Variants in HECTD2 observed in about 807,000 individuals in gnomAD.
HECTD2 encodes probable E3 ubiquitin-protein ligase HECTD2.
A neutral mutation model predicts 103.2 loss-of-function variants in HECTD2; 35 were observed. The observed-to-expected ratio is 0.34, with a 90% CI of 0.26 to 0.45. The LOEUF is 0.45. Among genes scored for constraint, HECTD2 ranks in the 20% least tolerant of loss-of-function variants. The pLI is 1.00. For synonymous variants in HECTD2, 281 were observed against 329.9 expected, an observed-to-expected ratio of 0.85 and a Z score of 1.61; for missense variants, 596 against 937.4, an observed-to-expected ratio of 0.64 and a Z score of 4.76.
chr10:91,422,170 C>G (rs1252943034), intron 1 of HECTD2, among the ~76,000 whole-genome samples: 1 of 152,126 alleles, frequency 6.6e-6, no homozygotes, highest in Non-Finnish European at 1.5e-5. Context: ...AATCTATACT[C>G]TGTAGCCTGA....
At chr10:91,509,084 T>G (rs866261739) in intron 20 of HECTD2, among the ~76,000 whole-genome samples, 2,093 of 129,476 alleles carry the variant, frequency 0.016, 44 homozygotes, top group African/African-American at 0.059. Flanking sequence ...TGAGATCACA[T>G]GGACACAGGA....
At chr10:91,505,358 G>A (rs1358641130) in intron 20 of HECTD2, among the ~76,000 whole-genome samples, 1 of 152,072 alleles carries the variant, frequency 6.6e-6, no homozygotes, top group Admixed American at 6.5e-5. Context: ...ACCCATCAGT[G>A]TGCTGTATTC....
chr10:91,412,750 C>G (rs1842976419), intron 1 of HECTD2, among the ~76,000 whole-genome samples: 1 of 150,746 alleles, frequency 6.6e-6, no homozygotes, highest in Non-Finnish European at 1.5e-5. Context: ...CAGTGAAAAG[C>G]TTAAGTGTAG....
intron 2 of HECTD2, among the ~76,000 whole-genome samples, chr10:91,457,588 A>G (rs1286719245): frequency 6.6e-6 from 1 of 152,078 alleles, no homozygotes; most frequent in African/African-American, 2.4e-5. Flanking sequence ...GACAAAATCC[A>G]ACACCTATTC....
At chr10:91,507,170 A>G (rs1847220540) in intron 20 of HECTD2, among the ~76,000 whole-genome samples, 1 of 151,090 alleles carries the variant, frequency 6.6e-6, no homozygotes. Flanking sequence ...CCAATATCAT[A>G]CTGAATGGGC....
intron 20 of HECTD2, among the ~76,000 whole-genome samples, chr10:91,509,353 A>G (rs1431249443): frequency 1.3e-5 from 2 of 152,310 alleles, no homozygotes; most frequent in East Asian, 1.9e-4. Context: ...ATGCTTATAC[A>G]CTGCTGGTGG....
chr10:91,483,111 T>C, intron 8 of HECTD2, 35 bp downstream of exon 8: 2 of 915,792 alleles, frequency 2.2e-6, no homozygotes, highest in Non-Finnish European at 3.5e-6. Context: ...ACTTTTATAG[T>C]CTCACAGTTT....
At chr10:91,416,483 G>A (rs1294723182) in intron 1 of HECTD2, among the ~76,000 whole-genome samples, 1 of 152,162 alleles carries the variant, frequency 6.6e-6, no homozygotes, top group East Asian at 1.9e-4. Flanking sequence ...ATTCAGCATG[G>A]TAACATGCTC....
chr10:91,426,734 T>G (rs1196958032), intron 2 of HECTD2, among the ~76,000 whole-genome samples: 1 of 151,906 alleles, frequency 6.6e-6, no homozygotes, highest in African/African-American at 2.4e-5. Flanking sequence ...AAGTTTTTGA[T>G]TGGCCATATT....
At chr10:91,425,741 A>G (rs1843533720) in intron 2 of HECTD2, among the ~76,000 whole-genome samples, 1 of 151,438 alleles carries the variant, frequency 6.6e-6, no homozygotes. Flanking sequence ...GCAATAATCA[A>G]TTAGAAGACT....
chr10:91,473,320 AAAAG>A (rs1564724678), intron 5 of HECTD2, among the ~76,000 whole-genome samples: 1 of 152,206 alleles, frequency 6.6e-6, no homozygotes, highest in South Asian at 2.1e-4. Context: ...TCAAAATACT[AAAAG>A]AAAAGAATAT....
At chr10:91,509,615 T>C (rs1270700114) in intron 20 of HECTD2, among the ~76,000 whole-genome samples, 2 of 152,106 alleles carry the variant, frequency 1.3e-5, no homozygotes, top group African/African-American at 4.8e-5. Context: ...AAAAAGATCA[T>C]GTCCTTTGCA....
intron 5 of HECTD2, among the ~76,000 whole-genome samples, chr10:91,466,128 C>T (rs1366020915): frequency 1.3e-5 from 2 of 152,038 alleles, no homozygotes; most frequent in African/African-American, 2.4e-5. Context: ...CAGGCTTATT[C>T]AGATTATCTG....
At chr10:91,412,668 ATGTGTG>A (rs58691011) in intron 1 of HECTD2, among the ~76,000 whole-genome samples, 19 of 147,264 alleles carry the variant, frequency 1.3e-4, no homozygotes, top group South Asian at 2.1e-4. Context: ...CTGTGGCAGA[ATGTGTG>A]TGTGTGTGTG....
Position 91,490,662 on chromosome 10 carries a change from C to T in HECTD2, c.1192-538C>T, listed in dbSNP as rs568979544. On this transcript the variant is annotated intron_variant, in intron 11 of 20. Transcript: ENST00000298068. ...ATCCCAGCACTTTGGGAGGCCGAGGCGGGCGGATCACGAGGTCAGGAGATC... is the reference window on the plus strand; with the variant it reads ...ATCCCAGCACTTTGGGAGGCCGAGGTGGGCGGATCACGAGGTCAGGAGATC... 1.5e-3 allele frequency among the ~76,000 whole-genome samples: 228 copies of T among 151,682 alleles called. 1 individual carries two copies. The highest frequency in any genetic ancestry group is 5.1e-3 in the African/African-American group (211 of 41,370).
chr10:91,419,804 A>G (rs1471281996), intron 1 of HECTD2, among the ~76,000 whole-genome samples: 1 of 151,980 alleles, frequency 6.6e-6, no homozygotes, highest in Non-Finnish European at 1.5e-5. Flanking sequence ...CTATTCCTCA[A>G]CACCCCCAGC....
intron 5 of HECTD2, among the ~76,000 whole-genome samples, chr10:91,465,696 A>G (rs1564721162): frequency 1.3e-5 from 2 of 151,554 alleles, no homozygotes; most frequent in African/African-American, 4.9e-5. Flanking sequence ...TGATCCCATG[A>G]TTTTTCTTTT....
At chr10:91,468,776 A>AT (rs1564722509) in intron 5 of HECTD2, among the ~76,000 whole-genome samples, 3 of 152,022 alleles carry the variant, frequency 2.0e-5, no homozygotes, top group Non-Finnish European at 4.4e-5. Context: ...ACAAAAAAAA[A>AT]TTTTTTTAAG....
chr10:91,428,445 T>G (rs1843675020), intron 2 of HECTD2, among the ~76,000 whole-genome samples: 1 of 152,006 alleles, frequency 6.6e-6, no homozygotes. Flanking sequence ...GTGATGGCAT[T>G]GAATCTATAA....
Sources: gnomAD v4.1 joint callset for allele counts (sites outside exome capture counted in the v4.1 genomes callset) on GRCh38, gnomAD v4.1.1 for gene constraint, MANE v1.5 for transcripts, NCBI Gene and HGNC (gene_info 2026-07-23, HGNC 2026-07-21) for gene names.